The following MYT1L variants were observed in gnomAD, a reference collection of about 807,000 sequenced individuals.
MYT1L encodes the protein myelin transcription factor 1 like.
In MYT1L, 12 loss-of-function variants were observed where a neutral mutation model predicts 126.7. That is an observed-to-expected ratio of 0.09 (90% CI 0.06 to 0.15). MYT1L has a LOEUF of 0.15. Among genes scored for constraint, MYT1L ranks in the 10% least tolerant of loss-of-function variants. MYT1L has a pLI of 1.00. For missense variants in MYT1L, 979 were observed against 1,585.2 expected, an observed-to-expected ratio of 0.62 and a Z score of 6.49; for synonymous variants, 541 against 604.2, an observed-to-expected ratio of 0.90 and a Z score of 1.53.
intron 23 of MYT1L, among the ~76,000 whole-genome samples, chr2:1,794,598 C>A (rs2033022519): frequency 6.6e-6 from 1 of 152,180 alleles, no homozygotes; most frequent in African/African-American, 2.4e-5. Context: ...CAGCAAAATT[C>A]TTGGGGACAC....
chr2:2,128,239 C>A (rs530100950), intron 3 of MYT1L, among the ~76,000 whole-genome samples: 7 of 152,172 alleles, frequency 4.6e-5, no homozygotes, highest in Non-Finnish European at 1.0e-4. Context: ...CTCCACCTCC[C>A]ATTCTCAAGT....
At chr2:2,160,350 G>A (rs561171751) in intron 3 of MYT1L, among the ~76,000 whole-genome samples, 3 of 152,320 alleles carry the variant, frequency 2.0e-5, no homozygotes, top group South Asian at 4.1e-4. Context: ...AGCAAGAAAA[G>A]CATTTACTTT....
chr2:1,934,582 C>A (rs1437693537), intron 9 of MYT1L, among the ~76,000 whole-genome samples: 1 of 152,058 alleles, frequency 6.6e-6, no homozygotes, highest in Admixed American at 6.5e-5. Flanking sequence ...TTCTTCCACC[C>A]AGAGAATGAG....
At chr2:2,045,971 CTGTCG>C (rs1388697677) in intron 4 of MYT1L, among the ~76,000 whole-genome samples, 1 of 152,194 alleles carries the variant, frequency 6.6e-6, no homozygotes, top group African/African-American at 2.4e-5. Context: ...TCCAGGGCCG[CTGTCG>C]TCTTCTGTAT....
At chr2:1,951,826 G>A (rs2149316771) in intron 8 of MYT1L, among the ~76,000 whole-genome samples, 1 of 152,222 alleles carries the variant, frequency 6.6e-6, no homozygotes, top group South Asian at 2.1e-4. Flanking sequence ...AAGAACAGTT[G>A]ATATCCTTTC....
At chr2:2,061,093 C>T (rs570885260) in intron 3 of MYT1L, among the ~76,000 whole-genome samples, 5 of 152,258 alleles carry the variant, frequency 3.3e-5, no homozygotes, top group Non-Finnish European at 5.9e-5. Context: ...GATTAATAGA[C>T]GTGACTTAGA....
At chr2:2,269,222 T>TA (rs2095208444) in intron 2 of MYT1L, among the ~76,000 whole-genome samples, 1 of 152,234 alleles carries the variant, frequency 6.6e-6, no homozygotes, top group Non-Finnish European at 1.5e-5. Context: ...TAAGATAACT[T>TA]ACAATACTTT....
At chr2:1,988,115 C>T (rs575115624) in intron 5 of MYT1L, among the ~76,000 whole-genome samples, 8 of 152,254 alleles carry the variant, frequency 5.3e-5, no homozygotes, top group Admixed American at 1.3e-4. Flanking sequence ...TCCACCCTCC[C>T]GCCAGCCCAG....
At chr2:1,930,508 T>C (rs1472004519) in intron 9 of MYT1L, among the ~76,000 whole-genome samples, 1 of 152,196 alleles carries the variant, frequency 6.6e-6, no homozygotes, top group Non-Finnish European at 1.5e-5. Flanking sequence ...ACGCTTCAAA[T>C]ACTGGTGAGG....
chr2:1,919,706 T>C (rs1367030919), intron 10 of MYT1L, among the ~76,000 whole-genome samples: 3 of 152,138 alleles, frequency 2.0e-5, no homozygotes, highest in African/African-American at 7.2e-5. Flanking sequence ...TACCACAATT[T>C]TAGTTTTAAT....
chr2:1,903,976 T>A (rs532477629), intron 13 of MYT1L, among the ~76,000 whole-genome samples: 1 of 152,226 alleles, frequency 6.6e-6, no homozygotes, highest in Non-Finnish European at 1.5e-5. Flanking sequence ...TGTGTCCACC[T>A]CTTCATCGGT....
chr2:1,828,346 C>T (rs2039652737), intron 21 of MYT1L: 1 of 152,112 alleles, frequency 6.6e-6, no homozygotes, highest in Non-Finnish European at 1.5e-5. Flanking sequence ...TTATGGAATT[C>T]CCAGCTTCCC....
intron 1 of MYT1L, among the ~76,000 whole-genome samples, chr2:2,307,888 T>G (rs2095880842): frequency 6.7e-6 from 1 of 149,146 alleles, no homozygotes; most frequent in Non-Finnish European, 1.5e-5. Flanking sequence ...CTATCTATAC[T>G]CCACCCATGT....
chr2:2,220,345 T>C (rs534878461), intron 2 of MYT1L, among the ~76,000 whole-genome samples: 6 of 152,230 alleles, frequency 3.9e-5, no homozygotes, highest in East Asian at 3.9e-4. Flanking sequence ...CCTTCCAGGG[T>C]ACAGGTAAAT....
chr2:1,890,751 C>T (rs2148865335), intron 15 of MYT1L, among the ~76,000 whole-genome samples: 2 of 152,270 alleles, frequency 1.3e-5, no homozygotes, highest in African/African-American at 4.8e-5. Flanking sequence ...AAGCTGCTGC[C>T]TCCTCAAGGG....
At chr2:2,020,134 C>T (rs763643520) in intron 4 of MYT1L, among the ~76,000 whole-genome samples, 2 of 152,182 alleles carry the variant, frequency 1.3e-5, no homozygotes, top group Non-Finnish European at 2.9e-5. Context: ...TGTGAGCCAC[C>T]ATGCCCAGCC....
chr2:2,113,653 T>C (rs2079797026), intron 3 of MYT1L, among the ~76,000 whole-genome samples: 1 of 152,260 alleles, frequency 6.6e-6, no homozygotes, highest in African/African-American at 2.4e-5. Flanking sequence ...AACTGCCAGC[T>C]GCTGCCTCGG....
intron 1 of MYT1L, among the ~76,000 whole-genome samples, chr2:2,294,948 G>C (rs2095649690): frequency 6.6e-6 from 1 of 152,150 alleles, no homozygotes; most frequent in Non-Finnish European, 1.5e-5. Flanking sequence ...GCAGTTAAAA[G>C]TGATGTTCTT....
Position 1,801,887 on chromosome 2 carries a change from A to G in MYT1L, c.3173-88T>C. On this transcript the variant is annotated intron_variant, in intron 22 of 24. Transcript: ENST00000647738. The surrounding 1 kb of genome is among the most constrained non-coding windows in gnomAD (Gnocchi z 4.2). ...TGGGAGCTTTCTTTGTTCCTTTTAT[A>G]TTCGTAATTGAATTTGCTTGGAAAA... The G allele has an allele frequency of 2.6e-6, 2 of 763,056 alleles. No homozygotes were observed. Among genetic ancestry groups the G allele is most frequent in the Non-Finnish European group, 4.1e-6 (2 of 483,188 alleles). The allele number at this position is 763,056 out of a possible 1,614,324, so 47.3% of individuals were successfully genotyped here.
Sources: gnomAD v4.1 joint callset for allele counts (sites outside exome capture counted in the v4.1 genomes callset) on GRCh38, gnomAD v4.1.1 for gene constraint, Gnocchi (gnomAD v3.1) non-coding constraint, MANE v1.5 for transcripts, NCBI Gene and HGNC (gene_info 2026-07-23, HGNC 2026-07-21) for gene names.